The following SPATA16 variants were observed in gnomAD, a reference collection of about 807,000 sequenced individuals.
The protein encoded by SPATA16 is spermatogenesis-associated protein 16.
A neutral mutation model predicts 63.3 loss-of-function variants in SPATA16; 36 were observed. That is an observed-to-expected ratio of 0.57 (90% CI 0.44 to 0.75). The LOEUF (loss-of-function observed/expected upper bound fraction) is 0.75, where lower values mean the gene tolerates loss of function less well. Among genes scored for constraint, SPATA16 ranks in the 30% least tolerant of loss-of-function variants. The pLI is 0.00. For synonymous variants in SPATA16, 203 were observed against 216.7 expected (o/e 0.94, Z 0.56); for missense variants, 646 against 679.3 (o/e 0.95, Z 0.54).
At chr3:173,015,466 A>T (rs1029383704) in intron 4 of SPATA16, among the ~76,000 whole-genome samples, 4 of 152,132 alleles carry the variant, frequency 2.6e-5, no homozygotes, top group Non-Finnish European at 5.9e-5. Context: ...TTAAATAAAG[A>T]CCCTGTGCAA....
chr3:172,926,025 C>T (rs1577091986), intron 6 of SPATA16, among the ~76,000 whole-genome samples: 1 of 152,162 alleles, frequency 6.6e-6, no homozygotes, highest in African/African-American at 2.4e-5. Flanking sequence ...GGGATTTCAC[C>T]ATGTTGGCCA....
intron 6 of SPATA16, among the ~76,000 whole-genome samples, chr3:172,936,598 T>C (rs919096007): frequency 9.2e-5 from 14 of 152,238 alleles, no homozygotes; most frequent in African/African-American, 3.1e-4. Flanking sequence ...TGTGAGTTGG[T>C]CTAGCAAATT....
rs569772549 is a variant in SPATA16, at chr3:173,053,512, G to A, written c.613-4418C>T. Among the ~76,000 whole-genome samples the A allele has an allele frequency of 2.6e-5, 4 of 152,176 alleles. No homozygotes were observed. In the South Asian group the frequency reaches 6.2e-4, roughly 24 times the overall value. On this transcript the variant is annotated intron_variant, in intron 2 of 10. Transcript: ENST00000351008. ...TACTTTTAGAAATTGTGCACAAAAG[G>A]ATTTCAAGATTTGTTTAAAAACAGA... is the stretch of plus-strand genomic sequence containing the variant.
intron 3 of SPATA16, among the ~76,000 whole-genome samples, chr3:173,021,157 C>T (rs1268954177): frequency 1.3e-5 from 2 of 152,096 alleles, no homozygotes; most frequent in Non-Finnish European, 2.9e-5. Flanking sequence ...ATCATAGAAT[C>T]GTATGATGAT....
intron 6 of SPATA16, among the ~76,000 whole-genome samples, chr3:172,951,482 CTTAT>C (rs1332319457): frequency 6.7e-6 from 1 of 150,266 alleles, no homozygotes; most frequent in Non-Finnish European, 1.5e-5. Context: ...ATGCGATTGG[CTTAT>C]TTGATAATTT....
At chr3:173,135,254 G>A (rs1738512243) in intron 1 of SPATA16, among the ~76,000 whole-genome samples, 1 of 152,190 alleles carries the variant, frequency 6.6e-6, no homozygotes, top group Admixed American at 6.5e-5. Flanking sequence ...TGAAACCACA[G>A]GTTGATACCA....
intron 10 of SPATA16, among the ~76,000 whole-genome samples, chr3:172,913,286 G>C (rs1177153425): frequency 6.6e-6 from 1 of 152,102 alleles, no homozygotes; most frequent in East Asian, 1.9e-4. Context: ...CTGAAATGTA[G>C]TCATTATTCC....
At chr3:173,066,254 T>C (rs568037285) in intron 2 of SPATA16, among the ~76,000 whole-genome samples, 1 of 152,372 alleles carries the variant, frequency 6.6e-6, no homozygotes, top group South Asian at 2.1e-4. Context: ...GGATCCATCC[T>C]GACAGAATTC....
intron 5 of SPATA16, among the ~76,000 whole-genome samples, chr3:172,965,553 C>CT (rs1733898105): frequency 6.6e-6 from 1 of 152,074 alleles, no homozygotes; most frequent in Admixed American, 6.6e-5. Context: ...TTCTGGTCTT[C>CT]TCTTGCCTCC....
chr3:173,013,718 G>C (rs1387280550), intron 4 of SPATA16, among the ~76,000 whole-genome samples: 1 of 152,202 alleles, frequency 6.6e-6, no homozygotes, highest in Non-Finnish European at 1.5e-5. Context: ...TGGCACCCAG[G>C]TAGCTGTAAC....
chr3:172,901,595 G>T (rs61212356), intron 10 of SPATA16, among the ~76,000 whole-genome samples: 1 of 152,152 alleles, frequency 6.6e-6, no homozygotes, highest in African/African-American at 2.4e-5. Flanking sequence ...GGTTTTTGGT[G>T]TGATGAGTGA....
chr3:173,022,672 C>T (rs1735360257), intron 3 of SPATA16, among the ~76,000 whole-genome samples: 2 of 151,600 alleles, frequency 1.3e-5, no homozygotes, highest in African/African-American at 4.8e-5. Context: ...AATCATTTGT[C>T]ATTTGATGCC....
At chr3:172,943,697 G>C (rs544902166) in intron 6 of SPATA16, among the ~76,000 whole-genome samples, 1 of 152,216 alleles carries the variant, frequency 6.6e-6, no homozygotes, top group Admixed American at 6.5e-5. Flanking sequence ...CCAAGATTGC[G>C]CCATTGCACT....
rs1214809863 is a variant in SPATA16, at chr3:172,985,937, A to G, written c.849-8885T>C. Among the ~76,000 whole-genome samples, 4 of 152,190 alleles carry G rather than the reference A, an allele frequency of 2.6e-5. No individual in the cohort carries two copies. The East Asian group carries it at 7.7e-4, about 29-fold the overall frequency. On this transcript the variant is annotated intron_variant, in intron 4 of 10. Coordinates refer to ENST00000351008, the MANE Select transcript of SPATA16 (RefSeq NM_031955.6). ...GGACAATTGAAGAGTTTTTGGAGGG[A>G]GGTAGCATGGGAACTTCTGGTTTAA...
At chr3:173,027,174 T>G (rs978933975) in intron 3 of SPATA16, among the ~76,000 whole-genome samples, 3 of 151,976 alleles carry the variant, frequency 2.0e-5, no homozygotes, top group Admixed American at 6.6e-5. Context: ...TTTGTTGCTC[T>G]TATAATTGGC....
chr3:172,930,325 A>G (rs1307169739), intron 6 of SPATA16, among the ~76,000 whole-genome samples: 1 of 152,164 alleles, frequency 6.6e-6, no homozygotes, highest in Non-Finnish European at 1.5e-5. Context: ...CATGATTCTT[A>G]CATTTTCTCT....
intron 1 of SPATA16, among the ~76,000 whole-genome samples, chr3:173,124,874 C>A (rs1475266165): frequency 6.6e-6 from 1 of 151,998 alleles, no homozygotes; most frequent in Non-Finnish European, 1.5e-5. Flanking sequence ...TCTCCAGCTA[C>A]ATTCTCTCCT....
chr3:172,978,045 C>T (rs577899397), intron 4 of SPATA16, among the ~76,000 whole-genome samples: 25 of 151,932 alleles, frequency 1.6e-4, no homozygotes, highest in African/African-American at 6.0e-4. Context: ...TTAGATTCTT[C>T]TTCAGGACAG....
At chr3:172,942,478 A>C (rs1156488347) in intron 6 of SPATA16, among the ~76,000 whole-genome samples, 2 of 152,028 alleles carry the variant, frequency 1.3e-5, no homozygotes, top group South Asian at 4.1e-4. Context: ...TGAAGAGTGT[A>C]ATTACATAAC....
Sources: gnomAD v4.1 joint callset for allele counts (sites outside exome capture counted in the v4.1 genomes callset) on GRCh38, gnomAD v4.1.1 for gene constraint, MANE v1.5 for transcripts, NCBI Gene and HGNC (gene_info 2026-07-23, HGNC 2026-07-21) for gene names.